The following ZNRF3 variants were observed in gnomAD, a reference collection of about 807,000 sequenced individuals.
The protein encoded by ZNRF3 is E3 ubiquitin-protein ligase ZNRF3.
A neutral mutation model predicts 72.5 loss-of-function variants in ZNRF3; 23 were observed. The observed-to-expected ratio is 0.32, with a 90% CI of 0.23 to 0.45. The LOEUF is 0.45. Among genes scored for constraint, ZNRF3 ranks in the 20% least tolerant of loss-of-function variants. The pLI, the probability that ZNRF3 is intolerant of heterozygous loss-of-function variation, is 1.00. For missense variants in ZNRF3, 1,169 were observed against 1,272.1 expected, an observed-to-expected ratio of 0.92 and a Z score of 1.23; for synonymous variants, 610 against 545.3, an observed-to-expected ratio of 1.12 and a Z score of -1.65.
rs182734305 is a variant in ZNRF3, at chr22:29,041,365, G to A, written c.427-1130G>A. ...TTGCTATGTTACCTAGACTGGTCTC[G>A]AACTCCAGCCATGCTATATCTTAAG... On this transcript the variant is annotated intron_variant, in intron 2 of 8. Transcript: ENST00000544604. 2.0e-5 allele frequency among the ~76,000 whole-genome samples: 3 copies of A among 152,110 alleles called. No homozygotes were observed. The East Asian group carries it at 5.8e-4, about 29-fold the overall frequency.
chr22:29,000,370 G>C (rs897038370), intron 2 of ZNRF3, among the ~76,000 whole-genome samples: 1 of 152,200 alleles, frequency 6.6e-6, no homozygotes, highest in African/African-American at 2.4e-5. Flanking sequence ...AGAAAAGAAT[G>C]TGAAATATGC....
intron 2 of ZNRF3, among the ~76,000 whole-genome samples, chr22:28,999,300 C>T (rs890246533): frequency 6.6e-6 from 1 of 151,786 alleles, no homozygotes; most frequent in Non-Finnish European, 1.5e-5. Context: ...TGCCACTGCA[C>T]TTCAGCCTGG....
At chr22:28,947,376 GC>G (rs2035072105) in intron 1 of ZNRF3, among the ~76,000 whole-genome samples, 1 of 152,186 alleles carries the variant, frequency 6.6e-6, no homozygotes, top group Admixed American at 6.6e-5. Context: ...ATACTTAGGA[GC>G]GGAATTGCTG....
intron 1 of ZNRF3, among the ~76,000 whole-genome samples, 186 bp downstream of exon 1, chr22:28,884,252 G>T (rs1345330238): frequency 2.6e-5 from 4 of 151,984 alleles, no homozygotes; most frequent in Admixed American, 6.5e-5. Context: ...GCGCATCCGC[G>T]GGGGGCGAGC....
At chr22:28,922,813 G>A (rs2034533450) in intron 1 of ZNRF3, among the ~76,000 whole-genome samples, 1 of 152,200 alleles carries the variant, frequency 6.6e-6, no homozygotes, top group Non-Finnish European at 1.5e-5. Context: ...GTGGAATCAT[G>A]CTTGTGCCCC....
At chr22:28,952,858 A>G (rs1350160515) in intron 1 of ZNRF3, among the ~76,000 whole-genome samples, 1 of 152,216 alleles carries the variant, frequency 6.6e-6, no homozygotes, top group Non-Finnish European at 1.5e-5. Context: ...GTCTGCTGGT[A>G]TGAGAGCCAG....
intron 1 of ZNRF3, among the ~76,000 whole-genome samples, chr22:28,919,714 C>T (rs2034475590): frequency 1.3e-5 from 2 of 151,542 alleles, no homozygotes; most frequent in Admixed American, 1.3e-4. Context: ...ACCATGTTGG[C>T]CAAGCTGGTC....
chr22:28,918,551 T>C (rs200024295), intron 1 of ZNRF3, among the ~76,000 whole-genome samples: 2 of 106,296 alleles, frequency 1.9e-5, no homozygotes, highest in African/African-American at 3.3e-5. Flanking sequence ...TGTGTGTGTG[T>C]GTGTGTGTGT....
At chr22:28,965,309 A>G (rs1397057318) in intron 1 of ZNRF3, among the ~76,000 whole-genome samples, 1 of 152,150 alleles carries the variant, frequency 6.6e-6, no homozygotes, top group African/African-American at 2.4e-5. Context: ...AGCCACTAAC[A>G]TTTACTATGT....
intron 1 of ZNRF3, among the ~76,000 whole-genome samples, chr22:28,948,202 T>C (rs547079655): frequency 4.6e-5 from 7 of 151,672 alleles, no homozygotes; most frequent in African/African-American, 1.7e-4. Context: ...TCCTGCTCTG[T>C]CGCCTAGACT....
At chr22:28,982,409 G>A (rs540199337) in intron 1 of ZNRF3, among the ~76,000 whole-genome samples, 4 of 144,218 alleles carry the variant, frequency 2.8e-5, no homozygotes, top group Non-Finnish European at 6.0e-5. Flanking sequence ...ACCAGCCTGG[G>A]CGACATTGTG....
Position 28,883,616 on chromosome 22 carries a change from GC to G in ZNRF3, c.-149del. The G allele has an allele frequency of 1.3e-6, 1 of 773,984 alleles. No homozygotes were observed. Among genetic ancestry groups the G allele is most frequent in the Non-Finnish European group, 1.6e-6 (1 of 636,638 alleles). 47.9% of individuals were successfully genotyped at this position (773,984 alleles called of 1,614,324 possible). ...CAGATGAAAGGGCCGCGGCGCGACG[GC>G]CGGGGGAGCCGAGCTGAGCCTGCGA... On this transcript the variant is annotated 5_prime_UTR_variant, in exon 1 of 9. An upstream open reading frame in the 5' UTR gains an earlier in-frame stop. Coordinates refer to ENST00000544604, the MANE Select transcript of ZNRF3 (RefSeq NM_001206998.2). The surrounding 1 kb of genome is among the most constrained non-coding windows in gnomAD (Gnocchi z 5.5).
chr22:28,971,296 A>G (rs139839899), intron 1 of ZNRF3, among the ~76,000 whole-genome samples: 120 of 152,336 alleles, frequency 7.9e-4, no homozygotes, highest in African/African-American at 2.8e-3. Context: ...CCCAACCAAA[A>G]GTCATAGTAA....
intron 2 of ZNRF3, among the ~76,000 whole-genome samples, chr22:29,039,660 A>G (rs541228806): frequency 4.6e-5 from 7 of 152,014 alleles, no homozygotes; most frequent in South Asian, 4.2e-4. Flanking sequence ...AAAGAGCTCT[A>G]TGGATAGCCA....
At chr22:28,950,197 T>C (rs2035133999) in intron 1 of ZNRF3, among the ~76,000 whole-genome samples, 1 of 152,232 alleles carries the variant, frequency 6.6e-6, no homozygotes, top group Admixed American at 6.5e-5. Context: ...TAATAATGTC[T>C]TTGTGTTATT....
At chr22:29,019,829 TATCAG>T (rs1601672278) in intron 2 of ZNRF3, among the ~76,000 whole-genome samples, 1 of 152,178 alleles carries the variant, frequency 6.6e-6, no homozygotes, top group African/African-American at 2.4e-5. Context: ...TGCCCGAGGA[TATCAG>T]TAAGTGTGAT....
At chr22:28,944,600 T>C (rs934401511) in intron 1 of ZNRF3, among the ~76,000 whole-genome samples, 3 of 151,444 alleles carry the variant, frequency 2.0e-5, no homozygotes, top group Non-Finnish European at 2.9e-5. Flanking sequence ...ACTAAAAATA[T>C]AAAAATTAGC....
chr22:28,902,349 C>T (rs1410601648), intron 1 of ZNRF3, among the ~76,000 whole-genome samples: 2 of 151,694 alleles, frequency 1.3e-5, no homozygotes, highest in Non-Finnish European at 2.9e-5. Flanking sequence ...TAGTTTTCCA[C>T]TTTGCTACGC....
intron 1 of ZNRF3, among the ~76,000 whole-genome samples, chr22:28,909,824 C>T (rs1380235210): frequency 6.8e-6 from 1 of 146,204 alleles, no homozygotes; most frequent in African/African-American, 2.5e-5. Context: ...AACTCCTGGG[C>T]TCAAGGGATC....
Sources: gnomAD v4.1 joint callset for allele counts (sites outside exome capture counted in the v4.1 genomes callset) on GRCh38, gnomAD v4.1.1 for gene constraint, Gnocchi (gnomAD v3.1) non-coding constraint, MANE v1.5 for transcripts, NCBI Gene and HGNC (gene_info 2026-07-23, HGNC 2026-07-21) for gene names.